Variants in TRAPPC12 observed in about 807,000 individuals in gnomAD.
TRAPPC12 encodes the protein trafficking protein particle complex subunit 12.
A neutral mutation model predicts 69.2 loss-of-function variants in TRAPPC12; 61 were observed. The ratio of observed to expected loss-of-function variants is 0.88; its 90% confidence interval spans 0.72 to 1.09. The LOEUF is 1.09. Ranked by LOEUF, TRAPPC12 falls within the 50% of genes least tolerant of loss-of-function variation. The probability of loss-of-function intolerance (pLI) is 0.00; values close to 1 mark genes in which losing one functional copy is unlikely to be tolerated. For synonymous variants in TRAPPC12, 469 were observed against 438.9 expected (o/e 1.07, Z -0.86); for missense variants, 1,101 against 1,016.4 (o/e 1.08, Z -1.13).
chr2:3,402,615 A>G (rs1041409553), intron 3 of TRAPPC12, among the ~76,000 whole-genome samples: 19 of 152,342 alleles, frequency 1.2e-4, no homozygotes, highest in African/African-American at 4.3e-4. Flanking sequence ...AAAATAAAAA[A>G]ACATTAGTAC....
chr2:3,422,422 TAAAAAAA>T (rs955843365), intron 4 of TRAPPC12, among the ~76,000 whole-genome samples: 1 of 151,090 alleles, frequency 6.6e-6, no homozygotes, highest in Non-Finnish European at 1.5e-5. Flanking sequence ...CTCTGAAATT[TAAAAAAA>T]AAGAAAAAAG....
chr2:3,451,618 G>A (rs770441239), intron 6 of TRAPPC12, among the ~76,000 whole-genome samples: 3 of 151,892 alleles, frequency 2.0e-5, no homozygotes, highest in Non-Finnish European at 2.9e-5. Context: ...TGACCTCCCC[G>A]GTTCAAGCAA....
intron 9 of TRAPPC12, chr2:3,466,155 C>A: frequency 2.4e-6 from 1 of 422,496 alleles, no homozygotes; most frequent in Non-Finnish European, 5.0e-6. Flanking sequence ...CTAAGAATGT[C>A]CTTGAAGCTG....
chr2:3,457,770 T>A, intron 7 of TRAPPC12, 77 bp downstream of exon 7: 2 of 1,565,782 alleles, frequency 1.3e-6, no homozygotes, highest in Non-Finnish European at 1.7e-6. Context: ...TCTCGCTTCC[T>A]CTCCTTCTCC....
At position 3,447,871 on chromosome 2, in the gene TRAPPC12, C is replaced by T. The variant is rs560558729; in HGVS notation, c.1530+3980C>T. The stretch of plus-strand genomic sequence containing the variant: ...GCATGACATTCTGATTTTCCCAGAC[C>T]TTCACAACTCCAGGAAATCCTCAGG... On this transcript the variant is annotated intron_variant, in intron 6 of 11. Transcript: ENST00000324266. Among the ~76,000 whole-genome samples, 265 of 152,278 alleles carry T rather than the reference C, an allele frequency of 1.7e-3. 2 individuals carry two copies. The highest frequency in any genetic ancestry group is 6.0e-3 in the African/African-American group (249 of 41,544).
intron 3 of TRAPPC12, among the ~76,000 whole-genome samples, chr2:3,409,977 G>A (rs1661964195): frequency 6.6e-6 from 1 of 152,110 alleles, no homozygotes; most frequent in Non-Finnish European, 1.5e-5. Context: ...CAGCAGGTCT[G>A]CCAGCGCCGA....
intron 10 of TRAPPC12, 123 bp from the exon 11 acceptor site, chr2:3,478,723 A>G: frequency 1.3e-6 from 1 of 752,890 alleles, no homozygotes; most frequent in South Asian, 1.7e-5. Context: ...GGAGATCAGG[A>G]ACCCCGGGCC....
rs1363491524 is a variant in TRAPPC12 at position 3,388,419 on chromosome 2, C to T, written c.796C>T (p.Arg266Ter). 31 of 1,604,548 alleles carry T rather than the reference C, an allele frequency of 1.9e-5. No individual in the cohort carries two copies. The highest frequency in any genetic ancestry group is 2.6e-5 in the Non-Finnish European group (30 of 1,175,798). The change falls in exon 2 of 12, where the codon CGA becomes TGA. Residue 266 changes from arginine to a stop codon, truncating the protein, a stop_gained. Coordinates refer to ENST00000324266, the MANE Select transcript of TRAPPC12 (RefSeq NM_016030.6). LOFTEE classifies it high-confidence loss of function. The stretch of plus-strand genomic sequence containing the variant: ...GGGGCGCCCCGAACCCGTGGCCATG[C>T]GAGGGCCCCAGGCAGCTGCGCCCCC... Reference protein sequence around the residue: ...TEGRPEPVAMRGPQAAAPPAS... With the variant: ...TEGRPEPVAM
Position 3,401,772 on chromosome 2 carries a change from C to A in TRAPPC12, c.1048-5C>A, listed in dbSNP as rs757353426. 1 of 1,562,222 alleles carries A rather than the reference C, an allele frequency of 6.4e-7. No homozygotes were observed. The highest frequency in any genetic ancestry group is 8.7e-7 in the Non-Finnish European group (1 of 1,155,200). ...CTTGACATATTTTTCTTCTATTCTT[C>A]CCAGGGAGATGCAGTTAAAGACTTG... is the stretch of plus-strand genomic sequence containing the variant. On this transcript the variant is annotated splice_region_variant and splice_polypyrimidine_tract_variant and intron_variant, in intron 2 of 11. Coordinates refer to ENST00000324266, the MANE Select transcript of TRAPPC12 (RefSeq NM_016030.6).
rs542167782 is a variant in TRAPPC12, at chr2:3,461,166, A to T, written c.1677+830A>T. 5.3e-5 allele frequency among the ~76,000 whole-genome samples: 8 copies of T among 152,344 alleles called. No individual in the cohort carries two copies. In the East Asian group the frequency reaches 1.5e-3, roughly 29 times the overall value. On this transcript the variant is annotated intron_variant, in intron 8 of 11. Coordinates refer to ENST00000324266, the MANE Select transcript of TRAPPC12 (RefSeq NM_016030.6). ...AGAGCAGGCAATTTACCAGCGGAGA[A>T]CTGTGCTCACGGGCTCTGTCATGAA...
chr2:3,414,345 G>T lies in TRAPPC12; in HGVS notation c.1165-7536G>T, dbSNP rs1470433115. On this transcript the variant is annotated intron_variant, in intron 3 of 11. Transcript: ENST00000324266. The surrounding 1 kb of genome is among the most constrained non-coding windows in gnomAD (Gnocchi z 4.9). ...CTCAGAAGAAATCTCACTTCGTCGT[G>T]TGATCCAGATAAGCATGGCAGTGGG... Among the ~76,000 whole-genome samples the T allele has an allele frequency of 1.3e-5, 2 of 152,140 alleles. No homozygotes were observed. Among genetic ancestry groups the T allele is most frequent in the Non-Finnish European group, 2.9e-5 (2 of 68,022 alleles).
chr2:3,459,647 C>A (rs577242851), intron 7 of TRAPPC12, among the ~76,000 whole-genome samples: 2 of 152,344 alleles, frequency 1.3e-5, no homozygotes, highest in Admixed American at 1.3e-4. Context: ...CGCGGTCAGC[C>A]ACCGTGTGGC....
At position 3,414,439 on chromosome 2, in the gene TRAPPC12, G is replaced by A. The variant is rs1053902174; in HGVS notation, c.1165-7442G>A. Among the ~76,000 whole-genome samples, 2 of 151,784 alleles carry A rather than the reference G, an allele frequency of 1.3e-5. No individual in the cohort carries two copies. Among genetic ancestry groups the A allele is most frequent in the African/African-American group, 2.4e-5 (1 of 41,284 alleles). On this transcript the variant is annotated intron_variant, in intron 3 of 11. Transcript: ENST00000324266. This position sits in a 1 kb window ranked among gnomAD's most constrained non-coding sequence, Gnocchi z 4.9. Reference sequence around the variant, plus strand: ...TCATTCTCTCCCTTCAAAGCCCCCCGGGTTCTTGTCCTCCCCCCTGCCGCC... The same window carrying A: ...TCATTCTCTCCCTTCAAAGCCCCCCAGGTTCTTGTCCTCCCCCCTGCCGCC...
At chr2:3,457,842 TG>T in intron 7 of TRAPPC12, 149 bp downstream of exon 7, 2 of 1,452,072 alleles carry the variant, frequency 1.4e-6, no homozygotes, top group Non-Finnish European at 9.0e-7. Context: ...ACTCCTTTCT[TG>T]GGGAAGCCAA....
At chr2:3,413,904 C>T (rs1218103737) in intron 3 of TRAPPC12, among the ~76,000 whole-genome samples, 1 of 152,126 alleles carries the variant, frequency 6.6e-6, no homozygotes. Context: ...AGTTAGCTTA[C>T]GATAGTACCC....
intron 5 of TRAPPC12, among the ~76,000 whole-genome samples, chr2:3,431,389 G>A (rs539655384): frequency 1.3e-5 from 2 of 152,346 alleles, no homozygotes; most frequent in South Asian, 4.1e-4. Flanking sequence ...CCCAGAGGGC[G>A]GCAGGGTCGC....
At position 3,387,787 on chromosome 2, in the gene TRAPPC12, CG is replaced by C. The variant is rs745999365; in HGVS notation, c.165del (p.Ser56ValfsTer7). 6.2e-7 allele frequency: 1 copy of C among 1,613,304 alleles called. No individual in the cohort carries two copies. The highest frequency in any genetic ancestry group is 1.1e-5 in the South Asian group (1 of 90,912). On this transcript the variant is annotated frameshift_variant, in exon 2 of 12. Transcript: ENST00000324266. LOFTEE classifies it high-confidence loss of function. Reference sequence around the variant, plus strand: ...GAGAACGAGACCGCATCGGAAGGCTCGAGTCCTCTCGCGGACAAGCTGAACG... The same window carrying C: ...GAGAACGAGACCGCATCGGAAGGCTCAGTCCTCTCGCGGACAAGCTGAACG... ...SEENETASEGSSPLADKLNEH... is the reference protein window; with the variant it reads ...SEENETASEGXSPLADKLNEH...
At chr2:3,474,736 TTCTC>T (rs1227756151) in intron 9 of TRAPPC12, among the ~76,000 whole-genome samples, 2 of 152,186 alleles carry the variant, frequency 1.3e-5, no homozygotes, top group Non-Finnish European at 1.5e-5. Context: ...GAAGCTTGCT[TTCTC>T]TCTCTCTGGA....
chr2:3,451,965 T>C (rs1431632102), intron 6 of TRAPPC12, among the ~76,000 whole-genome samples: 1 of 152,224 alleles, frequency 6.6e-6, no homozygotes, highest in East Asian at 1.9e-4. Flanking sequence ...CATCAGTTGC[T>C]GCCTAACAGA....
Sources: gnomAD v4.1 joint callset for allele counts (sites outside exome capture counted in the v4.1 genomes callset) on GRCh38, gnomAD v4.1.1 for gene constraint, Gnocchi (gnomAD v3.1) non-coding constraint, MANE v1.5 for transcripts, NCBI Gene and HGNC (gene_info 2026-07-23, HGNC 2026-07-21) for gene names.